The following FBXW10B variants were observed in gnomAD, a reference collection of about 807,000 sequenced individuals.
The protein encoded by FBXW10B is F-box and WD repeat domain containing 10B.
chr17:15,614,352 C>G, the FBXW10B span, among the ~76,000 whole-genome samples: 1 of 152,020 alleles, frequency 6.6e-6, no homozygotes, highest in Non-Finnish European at 1.5e-5. Context: ...CCACGCCCGA[C>G]TAATTTTTTG....
chr17:15,619,247 C>T, the FBXW10B span: 174 of 1,613,940 alleles, frequency 1.1e-4, 3 homozygotes, highest in East Asian at 1.8e-3. Context: ...GATCCGGGAC[C>T]TGTTATAGAT....
the FBXW10B span, among the ~76,000 whole-genome samples, chr17:15,614,770 G>A: frequency 9.1e-4 from 139 of 152,282 alleles, no homozygotes; most frequent in African/African-American, 3.3e-3. Context: ...ATATAAAAGT[G>A]TTTTAGAATC....
the FBXW10B span, among the ~76,000 whole-genome samples, chr17:15,595,984 T>C: frequency 7.4e-5 from 11 of 149,466 alleles, no homozygotes; most frequent in African/African-American, 2.7e-4. Flanking sequence ...ATTCAAGCAA[T>C]TTTCCTGCTT....
chr17:15,616,834 AGAAG>A, the FBXW10B span, among the ~76,000 whole-genome samples: 3 of 124,722 alleles, frequency 2.4e-5, no homozygotes, highest in African/African-American at 1.1e-4. Flanking sequence ...AAAAAAAAAA[AGAAG>A]AAGGTTGCCA....
chr17:15,602,878 C>T, the FBXW10B span, among the ~76,000 whole-genome samples: 1 of 122,672 alleles, frequency 8.2e-6, no homozygotes, highest in South Asian at 2.7e-4. Context: ...CCGCCCGCCT[C>T]GGCCTCCCAA....
the FBXW10B span, among the ~76,000 whole-genome samples, chr17:15,570,672 T>G: frequency 6.6e-6 from 1 of 152,210 alleles, no homozygotes; most frequent in Non-Finnish European, 1.5e-5. Flanking sequence ...ATGTGATTGT[T>G]TATGTGGAAA....
chr17:15,612,304 A>G, the FBXW10B span, among the ~76,000 whole-genome samples: 6 of 151,942 alleles, frequency 3.9e-5, no homozygotes, highest in Admixed American at 1.3e-4. Context: ...TCAGGAGATC[A>G]AGACCATCGG....
At chr17:15,615,321 CTTTTTTTTT>C in the FBXW10B span, among the ~76,000 whole-genome samples, 99 of 88,642 alleles carry the variant, frequency 1.1e-3, 1 homozygote, top group African/African-American at 5.4e-3. Context: ...TATTGGCTTT[CTTTTTTTTT>C]TTTTTTTTTT....
chr17:15,598,224 A>AG, the FBXW10B span, among the ~76,000 whole-genome samples: 1 of 152,160 alleles, frequency 6.6e-6, no homozygotes, highest in African/African-American at 2.4e-5. Flanking sequence ...TGCTTCCATT[A>AG]GGAGACAATG....
chr17:15,578,200 G>A, the FBXW10B span, among the ~76,000 whole-genome samples: 1 of 151,758 alleles, frequency 6.6e-6, no homozygotes, highest in Non-Finnish European at 1.5e-5. Context: ...TCCTGAAGAA[G>A]CATTTTTTGT....
At chr17:15,590,599 G>C in the FBXW10B span, among the ~76,000 whole-genome samples, 4 of 148,286 alleles carry the variant, frequency 2.7e-5, no homozygotes, top group Non-Finnish European at 5.9e-5. Flanking sequence ...TCCCGGTCAC[G>C]TTCCTCTTCC....
At chr17:15,572,991 A>G in the FBXW10B span, 1 of 152,162 alleles carries the variant, frequency 6.6e-6, no homozygotes, top group Non-Finnish European at 1.5e-5. Context: ...TCCTGGCATG[A>G]CTTGATGATA....
the FBXW10B span, among the ~76,000 whole-genome samples, chr17:15,596,007 T>C: frequency 6.6e-6 from 1 of 150,508 alleles, no homozygotes; most frequent in African/African-American, 2.5e-5. Flanking sequence ...GCCTCCCAAG[T>C]AGCTGAGGTT....
chr17:15,605,362 G>A, the FBXW10B span: 4,387 of 1,588,608 alleles, frequency 2.8e-3, 45 homozygotes, highest in African/African-American at 0.054. Flanking sequence ...TGGATCTTTC[G>A]ATTAGATGAC....
chr17:15,600,912 G>C, the FBXW10B span, among the ~76,000 whole-genome samples: 4 of 149,778 alleles, frequency 2.7e-5, no homozygotes, highest in Non-Finnish European at 5.9e-5. Context: ...TTAGCCAGGC[G>C]TGGTGGCACA....
the FBXW10B span, among the ~76,000 whole-genome samples, chr17:15,586,981 C>T: frequency 6.6e-6 from 1 of 151,466 alleles, no homozygotes; most frequent in South Asian, 2.1e-4. Context: ...TCTGTTAAGG[C>T]GTCTTGGGAG....
At chr17:15,602,186 T>A in the FBXW10B span, among the ~76,000 whole-genome samples, 2 of 151,156 alleles carry the variant, frequency 1.3e-5, no homozygotes, top group Non-Finnish European at 2.9e-5. Context: ...TCCAAATGCA[T>A]ACCTAAAAAC....
the FBXW10B span, among the ~76,000 whole-genome samples, chr17:15,601,408 CAAAAAAAAAA>C: frequency 1.2e-4 from 8 of 66,622 alleles, no homozygotes; most frequent in African/African-American, 2.9e-4. Context: ...GACTCCGTCT[CAAAAAAAAAA>C]AAAAAAAAAA....
At chr17:15,615,578 G>T in the FBXW10B span, 4 of 1,598,828 alleles carry the variant, frequency 2.5e-6, no homozygotes, top group Non-Finnish European at 2.6e-6. Flanking sequence ...CTCCCAAAGT[G>T]CTGGGATTAC....
Sources: gnomAD v4.1 joint callset for allele counts (sites outside exome capture counted in the v4.1 genomes callset) on GRCh38, gnomAD v4.1.1 for gene constraint, MANE v1.5 for transcripts, NCBI Gene and HGNC (gene_info 2026-07-23, HGNC 2026-07-21) for gene names.